Variants in MPC2 observed in about 807,000 individuals in gnomAD.
The protein encoded by MPC2 is brain protein 44.
Under a neutral mutation model 19.2 loss-of-function variants are expected in MPC2, and 19 were observed. That is an observed-to-expected ratio of 0.99 (90% CI 0.69 to 1.45). The LOEUF (loss-of-function observed/expected upper bound fraction) is 1.45, where lower values mean the gene tolerates loss of function less well. Ranked by LOEUF, MPC2 falls within the 40% of genes most tolerant of loss-of-function variation. MPC2 has a pLI of 0.00. For synonymous variants in MPC2, 61 were observed against 54.3 expected (o/e 1.12, Z -0.54); for missense variants, 122 against 153.0 (o/e 0.80, Z 1.07).
chr1:167,935,636 A>G lies in MPC2; in HGVS notation c.109+97T>C. ...TGAAGGGAAGGGATTGGGGCTGTGG[A>G]TGCCTCTAGAGGCAGTTGTCAGAGG... On this transcript the variant is annotated intron_variant, in intron 2 of 5. Transcript: ENST00000271373. 2.1e-6 allele frequency: 2 copies of G among 938,770 alleles called. 1 individual carries two copies. Among genetic ancestry groups the G allele is most frequent in the South Asian group, 2.9e-5 (2 of 69,294 alleles). 58.2% of individuals were successfully genotyped at this position (938,770 alleles called of 1,614,324 possible). A position where few individuals can be genotyped will look rare whatever the true frequency, so the allele number is the denominator to read the frequency against.
rs1035959837 is a variant in MPC2, at chr1:167,916,701, T to G, written c.*1622A>C. ...TAGGAGACCCCGCACAGAAGAGGTT[T>G]TAATGAAAAGGAAGTGAAACACCAA... On this transcript the variant is annotated 3_prime_UTR_variant, in exon 6 of 6. Coordinates refer to ENST00000271373, the MANE Select transcript of MPC2 (RefSeq NM_001143674.4). 6.6e-6 allele frequency: 1 copy of G among 152,186 alleles called. No homozygotes were observed. The highest frequency in any genetic ancestry group is 2.4e-5 in the African/African-American group (1 of 41,438). The allele number at this position is 152,186 out of a possible 1,614,324, so 9.4% of individuals were successfully genotyped here.
chr1:167,920,867 GT>G (rs1670583912), intron 3 of MPC2, among the ~76,000 whole-genome samples: 1 of 152,106 alleles, frequency 6.6e-6, no homozygotes, highest in Non-Finnish European at 1.5e-5. Flanking sequence ...ATATCTGAAA[GT>G]CAGTAGTACA....
chr1:167,934,728 A>T (rs12075119), intron 2 of MPC2, among the ~76,000 whole-genome samples: 4,548 of 152,298 alleles, frequency 0.03, 232 homozygotes, highest in African/African-American at 0.1. Context: ...TATGTAGGAG[A>T]ATAAAAGCCA....
At position 167,918,103 on chromosome 1, in the gene MPC2, G is replaced by A. The variant is rs750036351; in HGVS notation, c.*220C>T. On this transcript the variant is annotated 3_prime_UTR_variant, in exon 6 of 6. Transcript: ENST00000271373. ...CAAGTATGGTTTATTACGGACAAAT[G>A]GTAGAAAAATGTTACTAATATCCAT... The A allele has an allele frequency of 2.3e-4, 103 of 439,380 alleles. No individual in the cohort carries two copies. The highest frequency in any genetic ancestry group is 3.6e-4 in the Non-Finnish European group (88 of 247,332). The allele number at this position is 439,380 out of a possible 1,614,324, so 27.2% of individuals were successfully genotyped here.
intron 2 of MPC2, among the ~76,000 whole-genome samples, chr1:167,929,124 G>A (rs1177500133): frequency 2.0e-5 from 3 of 151,264 alleles, no homozygotes; most frequent in African/African-American, 4.9e-5. Flanking sequence ...TTTGGGAGGC[G>A]GAGGTGGGCG....
intron 2 of MPC2, among the ~76,000 whole-genome samples, chr1:167,932,372 G>C (rs568979833): frequency 9.9e-5 from 15 of 152,234 alleles, no homozygotes; most frequent in African/African-American, 3.4e-4. Context: ...AACGTTACTG[G>C]AAGTTCTATA....
intron 3 of MPC2, among the ~76,000 whole-genome samples, chr1:167,922,482 A>G (rs1489945434): frequency 1.3e-5 from 2 of 152,100 alleles, no homozygotes; most frequent in African/African-American, 2.4e-5. Flanking sequence ...ATTCCACTAT[A>G]AAGATATATT....
chr1:167,936,619 T>G (rs1243142627), intron 1 of MPC2: 2 of 362,786 alleles, frequency 5.5e-6, no homozygotes, highest in Non-Finnish European at 1.0e-5. Flanking sequence ...GGAGTCGCCA[T>G]CGCCTCCGCC....
At chr1:167,936,651 G>T (rs564964940) in intron 1 of MPC2, 38 of 406,314 alleles carry the variant, frequency 9.4e-5, no homozygotes, top group Admixed American at 6.3e-4. Context: ...CTGTTGGAGG[G>T]GGGCTGAGGG....
chr1:167,919,749 AGTTAACTAGTTAACTG>A (rs1670553579), intron 5 of MPC2, among the ~76,000 whole-genome samples: 1 of 152,172 alleles, frequency 6.6e-6, no homozygotes, highest in South Asian at 2.1e-4. Flanking sequence ...GATTTTAGTC[AGTTAACTAGTTAACTG>A]GTTAACTTAT....
intron 2 of MPC2, among the ~76,000 whole-genome samples, 180 bp from the exon 3 acceptor site, chr1:167,924,717 C>T (rs1413699099): frequency 1.3e-5 from 2 of 152,122 alleles, no homozygotes; most frequent in Admixed American, 6.5e-5. Flanking sequence ...CACAGTATCA[C>T]AGTACAGTTG....
chr1:167,920,667 C>T (rs772612228), intron 3 of MPC2, 36 bp from the exon 4 acceptor site: 16 of 1,583,550 alleles, frequency 1.0e-5, no homozygotes, highest in East Asian at 9.1e-5. Context: ...AAAAGTATCA[C>T]AAATGTGGAG....
intron 2 of MPC2, among the ~76,000 whole-genome samples, chr1:167,931,151 C>T (rs148748214): frequency 6.6e-6 from 1 of 152,252 alleles, no homozygotes; most frequent in Non-Finnish European, 1.5e-5. Flanking sequence ...AGGCTGGTCT[C>T]GAACTCCTGA....
chr1:167,935,437 C>A (rs1023452126), intron 2 of MPC2, among the ~76,000 whole-genome samples: 2 of 152,118 alleles, frequency 1.3e-5, no homozygotes, highest in African/African-American at 2.4e-5. Flanking sequence ...GTTTGGTGGC[C>A]GCAGAAGTTG....
intron 2 of MPC2, among the ~76,000 whole-genome samples, chr1:167,926,206 A>C (rs1670752506): frequency 6.6e-6 from 1 of 152,220 alleles, no homozygotes; most frequent in Non-Finnish European, 1.5e-5. Context: ...AAGTTGTAGA[A>C]TAAATCTAAA....
rs756648953 is a variant in MPC2, at chr1:167,924,478, G to GT, written c.150+18dup. The stretch of plus-strand genomic sequence containing the variant: ...AGGAATTTGTCTTTCAGTAGCTTCC[G>GT]TAAAAACTCAAGACTTACCCATTTC... On this transcript the variant is annotated intron_variant, in intron 3 of 5. Transcript: ENST00000271373. 6.3e-7 allele frequency: 1 copy of GT among 1,583,478 alleles called. No homozygotes were observed. The highest frequency in any genetic ancestry group is 1.2e-5 in the South Asian group (1 of 86,592).
At chr1:167,933,418 C>A (rs1462760615) in intron 2 of MPC2, among the ~76,000 whole-genome samples, 2 of 152,144 alleles carry the variant, frequency 1.3e-5, no homozygotes. Flanking sequence ...CCACCCACCT[C>A]AGCCTCCCAA....
At chr1:167,936,821 G>C in intron 1 of MPC2, 118 bp downstream of exon 1, 5 of 1,185,986 alleles carry the variant, frequency 4.2e-6, no homozygotes, top group Non-Finnish European at 4.8e-6. Context: ...GGATGGTGCC[G>C]GTGCGGCTCG....
intron 2 of MPC2, among the ~76,000 whole-genome samples, chr1:167,928,755 T>C (rs1044923317): frequency 2.0e-5 from 3 of 152,242 alleles, no homozygotes; most frequent in African/African-American, 7.2e-5. Flanking sequence ...GAAGTGATTA[T>C]AATACCTTAA....
Sources: gnomAD v4.1 joint callset for allele counts (sites outside exome capture counted in the v4.1 genomes callset) on GRCh38, gnomAD v4.1.1 for gene constraint, MANE v1.5 for transcripts, NCBI Gene and HGNC (gene_info 2026-07-23, HGNC 2026-07-21) for gene names.